The following RPSA2 variants were observed in gnomAD, a reference collection of about 807,000 sequenced individuals.
RPSA2 encodes small ribosomal subunit protein uS2B.
chr19:23,868,901 G>A, the RPSA2 span, among the ~76,000 whole-genome samples: 1 of 152,110 alleles, frequency 6.6e-6, no homozygotes, highest in Non-Finnish European at 1.5e-5. Flanking sequence ...TGGACAGAAG[G>A]CCAACTGGAG....
At chr19:23,843,202 T>G in the RPSA2 span, 5 of 250,586 alleles carry the variant, frequency 2.0e-5, no homozygotes, top group Middle Eastern at 1.0e-3. Context: ...CTGTACCTGA[T>G]CTGATCTCCT....
At chr19:23,761,931 T>TCTTTCTCTCTCTCTCTCTC in the RPSA2 span, among the ~76,000 whole-genome samples, 1 of 61,694 alleles carries the variant, frequency 1.6e-5, no homozygotes. Context: ...TTTTTTTTTT[T>TCTTTCTCTCTCTCTCTCTC]TTTTGAGATG....
At chr19:23,785,197 G>GGTGATGGGAATCTTTTT in the RPSA2 span, among the ~76,000 whole-genome samples, 2 of 152,190 alleles carry the variant, frequency 1.3e-5, no homozygotes, top group Non-Finnish European at 2.9e-5. Context: ...TTTCCACTTA[G>GGTGATGGGAATCTTTTT]GTGATGGGAA....
At chr19:23,818,234 G>T in the RPSA2 span, 6 of 152,184 alleles carry the variant, frequency 3.9e-5, no homozygotes, top group Non-Finnish European at 7.3e-5. Context: ...CCATTTAGAT[G>T]TTTTTGACAA....
chr19:23,850,772 A>T, the RPSA2 span, among the ~76,000 whole-genome samples: 1 of 152,096 alleles, frequency 6.6e-6, no homozygotes, highest in African/African-American at 2.4e-5. Flanking sequence ...AATGGCTTTC[A>T]GCTGCAGTCA....
chr19:23,820,148 T>G, the RPSA2 span, among the ~76,000 whole-genome samples: 1 of 152,222 alleles, frequency 6.6e-6, no homozygotes, highest in Non-Finnish European at 1.5e-5. Flanking sequence ...TGGCCCCTAT[T>G]TCCTGCATTC....
chr19:23,856,433 A>G, the RPSA2 span, among the ~76,000 whole-genome samples: 55,781 of 151,844 alleles, frequency 0.37, 10,805 homozygotes, highest in East Asian at 0.53. Context: ...TTAATATAGT[A>G]GAGATAAGCA....
the RPSA2 span, among the ~76,000 whole-genome samples, chr19:23,765,837 A>G: frequency 1.3e-5 from 2 of 152,228 alleles, no homozygotes; most frequent in Non-Finnish European, 2.9e-5. Flanking sequence ...TTATGTGTGT[A>G]TGACACCTAT....
At chr19:23,861,749 T>G in the RPSA2 span, among the ~76,000 whole-genome samples, 1 of 152,172 alleles carries the variant, frequency 6.6e-6, no homozygotes, top group Non-Finnish European at 1.5e-5. Context: ...ACTTTTGTGG[T>G]CAAATATTAG....
chr19:23,836,483 G>A, the RPSA2 span, among the ~76,000 whole-genome samples: 1 of 152,176 alleles, frequency 6.6e-6, no homozygotes, highest in Non-Finnish European at 1.5e-5. Context: ...AAATATGCAT[G>A]TGCAAGTATC....
the RPSA2 span, among the ~76,000 whole-genome samples, chr19:23,786,608 T>C: frequency 3.2e-4 from 49 of 152,306 alleles, no homozygotes; most frequent in African/African-American, 1.1e-3. Context: ...CCAGGTGATG[T>C]AACTTTTTTT....
chr19:23,819,009 C>T, the RPSA2 span: 1 of 151,986 alleles, frequency 6.6e-6, no homozygotes, highest in South Asian at 2.1e-4. Context: ...CTCCCTTTAA[C>T]GTGGTTAAAG....
chr19:23,796,611 C>G, the RPSA2 span, among the ~76,000 whole-genome samples: 1 of 151,968 alleles, frequency 6.6e-6, no homozygotes. Context: ...CTCTTTATTA[C>G]TAATTCAATT....
the RPSA2 span, among the ~76,000 whole-genome samples, chr19:23,791,498 C>T: frequency 6.6e-6 from 1 of 152,172 alleles, no homozygotes. Flanking sequence ...TTGCCTGCCA[C>T]TTAATTATTT....
At chr19:23,794,849 G>A in the RPSA2 span, among the ~76,000 whole-genome samples, 1 of 152,082 alleles carries the variant, frequency 6.6e-6, no homozygotes, top group Non-Finnish European at 1.5e-5. Context: ...AATTAATGTT[G>A]AGTTGATTTT....
the RPSA2 span, among the ~76,000 whole-genome samples, chr19:23,840,890 A>C: frequency 6.6e-6 from 1 of 150,698 alleles, no homozygotes; most frequent in South Asian, 2.1e-4. Flanking sequence ...TGAACACAGG[A>C]GGCAGAGGTT....
chr19:23,869,936 T>C, the RPSA2 span, among the ~76,000 whole-genome samples: 2 of 152,220 alleles, frequency 1.3e-5, no homozygotes, highest in African/African-American at 4.8e-5. Context: ...CAGCTCCAGG[T>C]AAGCAATACT....
the RPSA2 span, among the ~76,000 whole-genome samples, chr19:23,837,460 G>A: frequency 6.7e-6 from 1 of 149,144 alleles, no homozygotes; most frequent in African/African-American, 2.5e-5. Flanking sequence ...TATGGGCTTC[G>A]TATGATTTTT....
chr19:23,781,630 T>C, the RPSA2 span, among the ~76,000 whole-genome samples: 3 of 152,292 alleles, frequency 2.0e-5, no homozygotes, highest in Middle Eastern at 3.4e-3. Flanking sequence ...TAAGCCACCA[T>C]GCCCAGCCTA....
Sources: allele counts gnomAD v4.1 joint callset (sites outside exome capture counted in the v4.1 genomes callset), GRCh38; gene constraint gnomAD v4.1.1; transcripts MANE v1.5; gene names NCBI Gene and HGNC (gene_info 2026-07-23, HGNC 2026-07-21).